SOX5: variants seen among roughly 807,000 people sequenced by gnomAD.
The protein encoded by SOX5 is SRY-box transcription factor 5, also known as transcription factor SOX-5.
In SOX5, 9 loss-of-function variants were observed where a neutral mutation model predicts 92.0. The ratio of observed to expected loss-of-function variants is 0.10; its 90% confidence interval spans 0.06 to 0.17. The LOEUF is 0.17. Ranked by LOEUF, SOX5 falls within the 10% of genes least tolerant of loss-of-function variation. The probability of loss-of-function intolerance (pLI) is 1.00; values close to 1 mark genes in which losing one functional copy is unlikely to be tolerated. For missense variants in SOX5, 642 were observed against 944.5 expected (o/e 0.68, Z 4.20); for synonymous variants, 344 against 336.3 (o/e 1.02, Z -0.25).
chr12:24,203,501 G>A (rs777513283), intron 4 of SOX5, among the ~76,000 whole-genome samples: 2 of 152,102 alleles, frequency 1.3e-5, no homozygotes, highest in South Asian at 2.1e-4. Context: ...ATGAACACAC[G>A]CATATACTCC....
At chr12:24,354,352 C>G (rs552748015) in intron 2 of SOX5, among the ~76,000 whole-genome samples, 5 of 152,162 alleles carry the variant, frequency 3.3e-5, no homozygotes, top group Non-Finnish European at 5.9e-5. Flanking sequence ...CTGAAGGAGG[C>G]CAGTGGGTCT....
chr12:24,326,791 T>TACACACACACAC (rs10527019), intron 2 of SOX5, among the ~76,000 whole-genome samples: 9,047 of 148,696 alleles, frequency 0.061, 300 homozygotes, highest in African/African-American at 0.084. Context: ...TACACACACA[T>TACACACACACAC]ACACACACAC....
intron 2 of SOX5, among the ~76,000 whole-genome samples, chr12:24,354,475 G>A (rs962671266): frequency 5.3e-5 from 8 of 152,236 alleles, no homozygotes; most frequent in Admixed American, 6.5e-5. Flanking sequence ...TTTCCATTAC[G>A]GAAGAGCTAT....
At chr12:24,207,818 A>C (rs1285491908) in intron 4 of SOX5, among the ~76,000 whole-genome samples, 1 of 152,192 alleles carries the variant, frequency 6.6e-6, no homozygotes, top group East Asian at 1.9e-4. Context: ...AACTTTCAGC[A>C]TCAAGTTTAA....
intron 4 of SOX5, among the ~76,000 whole-genome samples, chr12:23,974,658 G>A (rs1442701583): frequency 6.6e-6 from 1 of 152,192 alleles, no homozygotes; most frequent in East Asian, 1.9e-4. Context: ...CGGGAAGATA[G>A]TGGTAATAAG....
At chr12:23,600,473 A>G (rs1330230424) in intron 9 of SOX5, among the ~76,000 whole-genome samples, 1 of 137,062 alleles carries the variant, frequency 7.3e-6, no homozygotes, top group East Asian at 2.1e-4. Context: ...AATGCTCTTA[A>G]TTCTGTATCA....
At chr12:24,199,502 C>T (rs1016549098) in intron 4 of SOX5, among the ~76,000 whole-genome samples, 5 of 152,198 alleles carry the variant, frequency 3.3e-5, no homozygotes, top group African/African-American at 1.2e-4. Context: ...CTAACCTCAA[C>T]ATCCAATCAT....
At chr12:23,844,347 T>C (rs1473887998) in intron 3 of SOX5, among the ~76,000 whole-genome samples, 1 of 152,214 alleles carries the variant, frequency 6.6e-6, no homozygotes, top group African/African-American at 2.4e-5. Context: ...AGTGGATCCA[T>C]TGTAAGTTGG....
intron 1 of SOX5, among the ~76,000 whole-genome samples, chr12:24,436,002 A>G (rs1040478172): frequency 9.2e-5 from 14 of 152,198 alleles, no homozygotes; most frequent in Admixed American, 7.9e-4. Context: ...CCGTATAAGA[A>G]GGCAAACTTA....
intron 6 of SOX5, among the ~76,000 whole-genome samples, chr12:23,668,503 T>C (rs747492792): frequency 2.6e-5 from 4 of 152,206 alleles, no homozygotes; most frequent in Admixed American, 6.6e-5. Context: ...CAAAACGATA[T>C]GTTTTCTGGG....
chr12:24,006,021 C>T (rs1203070495), intron 4 of SOX5, among the ~76,000 whole-genome samples: 1 of 152,118 alleles, frequency 6.6e-6, no homozygotes, highest in Admixed American at 6.6e-5. Flanking sequence ...CAATCTTATT[C>T]ATTCGTTCAG....
At chr12:24,389,151 C>T (rs1297929167) in intron 1 of SOX5, among the ~76,000 whole-genome samples, 2 of 151,976 alleles carry the variant, frequency 1.3e-5, no homozygotes, top group African/African-American at 4.8e-5. Flanking sequence ...GTTCCCCTTC[C>T]TGTGCCCATG....
At chr12:23,905,589 A>G (rs1287223101) in intron 1 of SOX5, among the ~76,000 whole-genome samples, 1 of 152,164 alleles carries the variant, frequency 6.6e-6, no homozygotes, top group Non-Finnish European at 1.5e-5. Flanking sequence ...AAAACAGAAG[A>G]AAAAATACTT....
intron 3 of SOX5, among the ~76,000 whole-genome samples, chr12:24,262,839 G>C (rs538246168): frequency 5.9e-5 from 9 of 152,208 alleles, no homozygotes; most frequent in Non-Finnish European, 1.2e-4. Flanking sequence ...AAAGACTAGA[G>C]AGGATAGGTA....
chr12:23,859,412 C>A (rs1410420452), intron 2 of SOX5, among the ~76,000 whole-genome samples: 1 of 152,134 alleles, frequency 6.6e-6, no homozygotes, highest in African/African-American at 2.4e-5. Flanking sequence ...CCTGCAGTGC[C>A]CTTCAGGCTT....
chr12:24,259,987 T>G (rs73283100), intron 3 of SOX5, among the ~76,000 whole-genome samples: 2,972 of 151,768 alleles, frequency 0.02, 82 homozygotes, highest in African/African-American at 0.066. Flanking sequence ...GTAATAAGAG[T>G]AAAGAAAAAA....
intron 3 of SOX5, among the ~76,000 whole-genome samples, chr12:23,824,082 G>T (rs879277670): frequency 3.9e-5 from 6 of 152,148 alleles, no homozygotes; most frequent in Admixed American, 1.3e-4. Flanking sequence ...GTTTGGAGGA[G>T]TTTGCTATTA....
chr12:24,415,770 C>T (rs1467406812), intron 1 of SOX5, among the ~76,000 whole-genome samples: 9 of 152,106 alleles, frequency 5.9e-5, no homozygotes, highest in Non-Finnish European at 2.9e-5. Flanking sequence ...GAGCAATATC[C>T]GTAACGTACT....
intron 4 of SOX5, among the ~76,000 whole-genome samples, chr12:24,121,070 A>G (rs1322433378): frequency 6.6e-6 from 1 of 152,128 alleles, no homozygotes; most frequent in East Asian, 1.9e-4. Context: ...CTTACACTAA[A>G]CCCAATTCAC....
Sources: allele counts gnomAD v4.1 joint callset (sites outside exome capture counted in the v4.1 genomes callset), GRCh38; gene constraint gnomAD v4.1.1; transcripts MANE v1.5; gene names NCBI Gene and HGNC (gene_info 2026-07-23, HGNC 2026-07-21).